MYH9: variants seen among roughly 807,000 people sequenced by gnomAD.
The protein encoded by MYH9 is myosin heavy chain 9.
A neutral mutation model predicts 241.9 loss-of-function variants in MYH9; 29 were observed. The observed-to-expected ratio is 0.12, with a 90% CI of 0.09 to 0.16. The LOEUF (loss-of-function observed/expected upper bound fraction) is 0.16. Ranked by LOEUF, MYH9 falls within the 10% of genes least tolerant of loss-of-function variation. MYH9 has a pLI of 1.00. For synonymous variants in MYH9, 1,047 were observed against 1,062.6 expected (o/e 0.99, Z 0.29); for missense variants, 1,803 against 2,595.5 (o/e 0.69, Z 6.63).
chr22:36,292,100 C>T lies in MYH9; in HGVS notation c.4230G>A (p.Lys1410=), dbSNP rs2016715238. The T allele has an allele frequency of 3.1e-6, 5 of 1,614,210 alleles. No individual in the cohort carries two copies. The highest frequency in any genetic ancestry group is 4.2e-6 in the Non-Finnish European group (5 of 1,180,054). The change falls in exon 31 of 41, where the codon AAG becomes AAA. Residue 1410 remains lysine (K), a synonymous_variant. Transcript: ENST00000216181. The stretch of plus-strand genomic sequence containing the variant: ...GCAGCCGCGTCTTGGTCTTCTCCAG[C>T]TTGTCGTAGGCGGCCACCTTCTCCT... The part of the protein sequence containing the change: ...RHEEKVAAYD[K]LEKTKTRLQQ...
chr22:36,341,330 G>T, intron 3 of MYH9, 40 bp downstream of exon 3: 1 of 1,611,778 alleles, frequency 6.2e-7, no homozygotes, highest in Non-Finnish European at 8.5e-7. Context: ...GGCCCCAGGT[G>T]AAGATTCAGC....
At chr22:36,325,125 T>C in intron 5 of MYH9, 2 of 768,660 alleles carry the variant, frequency 2.6e-6, no homozygotes, top group Non-Finnish European at 4.8e-6. Context: ...ATAGGCCTCC[T>C]AAAAAGAATG....
At chr22:36,361,190 ATGT>A (rs1246906162) in intron 1 of MYH9, among the ~76,000 whole-genome samples, 5 of 152,184 alleles carry the variant, frequency 3.3e-5, no homozygotes, top group Admixed American at 1.3e-4. Context: ...CACCTCAGGA[ATGT>A]TGTTTGCTTA....
At position 36,284,250 on chromosome 22, in the gene MYH9, T is replaced by C. The variant is rs958621472; in HGVS notation, c.5608A>G (p.Thr1870Ala). ...TGCCGCTTGAGCTGCTTCAGGCGGG[T>C]AGATGCCTTGTCGGCCTGCGGAGAT... ...QYKDQADKAS[T>A]RLKQLKRQLE... The change falls in exon 40 of 41, where the codon ACC becomes GCC. Residue 1870 changes from threonine (T) to alanine (A), a missense_variant. Around this residue, in one of 11 missense-constraint regions of MYH9, gnomAD observed 876 missense variants for 1,077.8 expected, o/e 0.81. Coordinates refer to ENST00000216181, the MANE Select transcript of MYH9 (RefSeq NM_002473.6). 1.2e-6 allele frequency: 2 copies of C among 1,611,330 alleles called. No homozygotes were observed. Among genetic ancestry groups the C allele is most frequent in the Admixed American group, 3.3e-5 (2 of 59,848 alleles).
intron 15 of MYH9, chr22:36,308,787 A>C (rs2017012952): frequency 1.0e-6 from 1 of 981,494 alleles, no homozygotes. Context: ...CACAAGAGAC[A>C]CCACTCGGGC....
At chr22:36,325,700 T>C (rs2017325410) in intron 5 of MYH9, among the ~76,000 whole-genome samples, 1 of 152,030 alleles carries the variant, frequency 6.6e-6, no homozygotes, top group African/African-American at 2.4e-5. Flanking sequence ...CGTGCCGGGG[T>C]CAGGTTCCGC....
At chr22:36,362,126 G>A (rs562546165) in intron 1 of MYH9, among the ~76,000 whole-genome samples, 224 of 152,302 alleles carry the variant, frequency 1.5e-3, no homozygotes, top group African/African-American at 5.2e-3. Flanking sequence ...GCAATGAGAA[G>A]TCAGTGGTTG....
chr22:36,301,467 C>T, intron 21 of MYH9, 67 bp downstream of exon 21: 5 of 1,603,884 alleles, frequency 3.1e-6, no homozygotes, highest in South Asian at 2.2e-5. Flanking sequence ...CCGTGCCTAC[C>T]GATGGCCAGC....
intron 1 of MYH9, among the ~76,000 whole-genome samples, chr22:36,383,494 GCAGTCCACAACCA>G (rs967869183): frequency 7.9e-5 from 12 of 152,088 alleles, no homozygotes; most frequent in Non-Finnish European, 1.5e-4. Context: ...TTGTGAATAG[GCAGTCCACAACCA>G]CAGTCCACAA....
intron 3 of MYH9, 28 bp from the exon 4 acceptor site, chr22:36,327,516 T>C (rs2017354911): frequency 1.2e-6 from 2 of 1,613,544 alleles, no homozygotes; most frequent in African/African-American, 1.3e-5. Flanking sequence ...TCAGATTAAC[T>C]CCCGCCAGAT....
At chr22:36,342,661 C>T (rs527344463) in intron 2 of MYH9, among the ~76,000 whole-genome samples, 3 of 152,030 alleles carry the variant, frequency 2.0e-5, no homozygotes, top group Admixed American at 6.6e-5. Context: ...CTAAAAGCTG[C>T]GCAAGACTCC....
chr22:36,376,418 C>T (rs1001548585), intron 1 of MYH9, among the ~76,000 whole-genome samples: 1 of 152,054 alleles, frequency 6.6e-6, no homozygotes, highest in Non-Finnish European at 1.5e-5. Context: ...TCTCCTGACT[C>T]AGGGTAGCAT....
At chr22:36,357,384 T>C (rs2017872717) in intron 1 of MYH9, among the ~76,000 whole-genome samples, 1 of 152,118 alleles carries the variant, frequency 6.6e-6, no homozygotes, top group Non-Finnish European at 1.5e-5. Flanking sequence ...TACAAAACGA[T>C]GCCACGGCAC....
chr22:36,324,462 C>G (rs950218105), intron 5 of MYH9, among the ~76,000 whole-genome samples: 1 of 152,268 alleles, frequency 6.6e-6, no homozygotes, highest in East Asian at 1.9e-4. Flanking sequence ...CAAAGGTCAC[C>G]GTTCAGGATC....
At chr22:36,379,394 A>T (rs1214432567) in intron 1 of MYH9, among the ~76,000 whole-genome samples, 1 of 152,212 alleles carries the variant, frequency 6.6e-6, no homozygotes, top group Non-Finnish European at 1.5e-5. Context: ...CTGTAGTCCC[A>T]GCTACTTGGG....
rs13053731 is a variant in MYH9 at position 36,286,661 on chromosome 22, G to A, written c.5061+57C>T. 121,038 of 1,604,600 alleles carry A rather than the reference G, an allele frequency of 0.075. 5,241 individuals are homozygous for A. Among genetic ancestry groups the A allele is most frequent in the South Asian group, 0.092 (8,410 of 90,978 alleles). On this transcript the variant is annotated intron_variant, in intron 35 of 40. Coordinates refer to ENST00000216181, the MANE Select transcript of MYH9 (RefSeq NM_002473.6). ...CCCTGTCCTCAGCTGAAAGCCCCAC[G>A]CTGCCACCTGCTGGCCGCAGGGCAG...
intron 19 of MYH9, among the ~76,000 whole-genome samples, chr22:36,303,688 G>A (rs1245579366): frequency 6.6e-6 from 1 of 151,648 alleles, no homozygotes; most frequent in African/African-American, 2.4e-5. Flanking sequence ...GTGAGGCTGA[G>A]GCAGGAGAAT....
chr22:36,382,696 G>A (rs1366383566), intron 1 of MYH9, among the ~76,000 whole-genome samples: 5 of 151,202 alleles, frequency 3.3e-5, no homozygotes, highest in African/African-American at 7.3e-5. Flanking sequence ...CTGGCTACTC[G>A]GTAGGCTGAG....
In MYH9 at chr22:36,305,308, G is replaced by A. The variant is rs1014043966; in HGVS notation, c.2160-206C>T. Among the ~76,000 whole-genome samples, 9 of 152,190 alleles carry A rather than the reference G, an allele frequency of 5.9e-5. No individual in the cohort carries two copies. Among genetic ancestry groups the A allele is most frequent in the African/African-American group, 1.9e-4 (8 of 41,442 alleles). The stretch of plus-strand genomic sequence containing the variant: ...AGACAAGGAAGCCTTGGTGTTTTCC[G>A]GAAAGTGAATGGAAACTCGTGTAGG... On this transcript the variant is annotated intron_variant, in intron 17 of 40. Coordinates refer to ENST00000216181, the MANE Select transcript of MYH9 (RefSeq NM_002473.6). The surrounding 1 kb of genome is among the most constrained non-coding windows in gnomAD (Gnocchi z 4.7).
Sources: allele counts gnomAD v4.1 joint callset (sites outside exome capture counted in the v4.1 genomes callset), GRCh38; gene constraint gnomAD v4.1.1; regional missense constraint gnomAD v4.1.1; non-coding constraint Gnocchi (gnomAD v3.1); transcripts MANE v1.5; gene names NCBI Gene and HGNC (gene_info 2026-07-23, HGNC 2026-07-21).